SLC28A3: variants seen among roughly 807,000 people sequenced by gnomAD.
SLC28A3 encodes the protein concentrative Na(+)-nucleoside cotransporter 3.
In SLC28A3, 68 loss-of-function variants were observed where a neutral mutation model predicts 84.2. The ratio of observed to expected loss-of-function variants is 0.81; its 90% CI spans 0.66 to 0.99. The LOEUF (loss-of-function observed/expected upper bound fraction) is 0.99. SLC28A3 is among the 50% of genes least tolerant of loss of function. The pLI is 0.00. For synonymous variants in SLC28A3, 267 were observed against 303.6 expected (o/e 0.88, Z 1.25); for missense variants, 712 against 841.5 (o/e 0.85, Z 1.90).
upstream of SLC28A3, among the ~76,000 whole-genome samples, chr9:84,345,597 A>G (rs2118664904): frequency 6.6e-6 from 1 of 152,254 alleles, no homozygotes; most frequent in East Asian, 1.9e-4. Context: ...CATTTGGGGG[A>G]GCATATCATT....
chr9:84,307,751 G>A (rs1825852403), intron 3 of SLC28A3, among the ~76,000 whole-genome samples: 1 of 152,210 alleles, frequency 6.6e-6, no homozygotes, highest in Non-Finnish European at 1.5e-5. Context: ...ACTGTAGGTT[G>A]ACTCTATCAG....
intron 1 of SLC28A3, among the ~76,000 whole-genome samples, chr9:84,316,804 C>T (rs534917406): frequency 2.0e-5 from 3 of 152,168 alleles, no homozygotes; most frequent in African/African-American, 7.2e-5. Flanking sequence ...TGTTCGAGAC[C>T]AGCCTGGCCA....
chr9:84,332,642 C>A (rs1316208438), intron 1 of SLC28A3, among the ~76,000 whole-genome samples: 11 of 152,046 alleles, frequency 7.2e-5, no homozygotes, highest in Admixed American at 6.6e-4. Flanking sequence ...CATTGTAAGG[C>A]TTTTGGAGCC....
At chr9:84,339,053 C>T (rs1296231632) in intron 1 of SLC28A3, among the ~76,000 whole-genome samples, 3 of 152,134 alleles carry the variant, frequency 2.0e-5, no homozygotes, top group African/African-American at 4.8e-5. Flanking sequence ...GAACAAACCT[C>T]GATAAATTAA....
Position 84,334,092 on chromosome 9 carries a change from G to A in SLC28A3, c.60+6482C>T, listed in dbSNP as rs1245227346. Among the ~76,000 whole-genome samples, 6 of 152,142 alleles carry A rather than the reference G, an allele frequency of 3.9e-5. No individual in the cohort carries two copies. The South Asian group carries it at 6.2e-4, about 16-fold the overall frequency. On this transcript the variant is annotated intron_variant, in intron 1 of 17. Transcript: ENST00000376238. ...GGCCAAGGCGGGTGGATCACGTGAG[G>A]TCAGGAGTTTGAGACCAGCCTGGCC...
upstream of SLC28A3, among the ~76,000 whole-genome samples, chr9:84,341,326 G>A (rs1827153051): frequency 6.7e-6 from 1 of 149,296 alleles, no homozygotes; most frequent in African/African-American, 2.6e-5. Context: ...TCCTGTGGGT[G>A]GTGTTAAAGA....
intron 1 of SLC28A3, among the ~76,000 whole-genome samples, chr9:84,326,451 G>GT (rs1826551833): frequency 1.3e-5 from 2 of 152,158 alleles, no homozygotes. Context: ...CCTAACTGAA[G>GT]TAAGAGCATT....
the SLC28A3 span, among the ~76,000 whole-genome samples, chr9:84,347,104 A>G: frequency 6.6e-6 from 1 of 150,768 alleles, no homozygotes; most frequent in Admixed American, 6.7e-5. Flanking sequence ...TGAACCCAGG[A>G]GCACAGTTGC....
At chr9:84,328,262 C>A (rs1826644061) in intron 1 of SLC28A3, among the ~76,000 whole-genome samples, 1 of 149,750 alleles carries the variant, frequency 6.7e-6, no homozygotes, top group South Asian at 2.1e-4. Context: ...TGGATTATAC[C>A]CTTTAATTAA....
At chr9:84,321,750 A>G (rs1826388760) in intron 1 of SLC28A3, among the ~76,000 whole-genome samples, 1 of 149,148 alleles carries the variant, frequency 6.7e-6, no homozygotes, top group African/African-American at 2.5e-5. Context: ...AAAAAAAAAA[A>G]AAAAAGAAAC....
chr9:84,339,732 T>A (rs1353515621), intron 1 of SLC28A3, among the ~76,000 whole-genome samples: 1 of 152,236 alleles, frequency 6.6e-6, no homozygotes, highest in African/African-American at 2.4e-5. Flanking sequence ...TGGGCATCAC[T>A]GTGACCATGG....
intron 8 of SLC28A3, among the ~76,000 whole-genome samples, chr9:84,295,356 G>A (rs903346946): frequency 5.3e-5 from 8 of 152,078 alleles, no homozygotes; most frequent in Admixed American, 2.6e-4. Flanking sequence ...ATGCTGAGGC[G>A]GGCGGATCAC....
the SLC28A3 span, among the ~76,000 whole-genome samples, chr9:84,363,919 T>G: frequency 0.022 from 3,312 of 152,184 alleles, 123 homozygotes; most frequent in African/African-American, 0.075. Flanking sequence ...AGTTTGTCTT[T>G]GATTTTTAAA....
chr9:84,299,844 G>A, intron 5 of SLC28A3, 119 bp from the exon 6 acceptor site: 1 of 1,170,574 alleles, frequency 8.5e-7, no homozygotes, highest in Admixed American at 3.2e-5. Flanking sequence ...CCAGGCTGGA[G>A]TAGAATGGAG....
intron 12 of SLC28A3, among the ~76,000 whole-genome samples, chr9:84,287,210 A>C (rs1825026802): frequency 6.6e-6 from 1 of 152,172 alleles, no homozygotes; most frequent in African/African-American, 2.4e-5. Context: ...CTGCACACTG[A>C]GTAACTTTAC....
the SLC28A3 span, among the ~76,000 whole-genome samples, chr9:84,355,194 A>G: frequency 1.3e-4 from 20 of 151,946 alleles, no homozygotes; most frequent in African/African-American, 4.4e-4. Flanking sequence ...AACGCATAAT[A>G]AAGATGTCAG....
At position 84,305,301 on chromosome 9, in the gene SLC28A3, T is replaced by C. The variant is rs2118341752; in HGVS notation, c.287A>G (p.Lys96Arg). 6.2e-7 allele frequency: 1 copy of C among 1,613,540 alleles called. No homozygotes were observed. Among genetic ancestry groups the C allele is most frequent in the Admixed American group, 1.7e-5 (1 of 59,928 alleles). ...RYDTVCGFCR[K>R]HKTTLRHIIW... Reference sequence around the variant, plus strand: ...GATGTGCCGAAGAGTTGTTTTGTGTTTCCTACAGAAACCACATACTGTGTC... The same window carrying C: ...GATGTGCCGAAGAGTTGTTTTGTGTCTCCTACAGAAACCACATACTGTGTC... The change falls in exon 4 of 18, where the codon AAA (lysine) becomes AGA (arginine). Residue 96 changes from lysine (K) to arginine (R), a missense_variant. Lys to Arg is a conservative substitution (Grantham distance 26, BLOSUM62 2). Transcript: ENST00000376238.
chr9:84,301,349 C>CAAAAAAAAAAAA (rs59917986), intron 5 of SLC28A3, among the ~76,000 whole-genome samples: 1 of 44,716 alleles, frequency 2.2e-5, no homozygotes, highest in Non-Finnish European at 5.1e-5. Flanking sequence ...GACTCTGTCT[C>CAAAAAAAAAAAA]AAAAAAAAAA....
Position 84,286,131 on chromosome 9 carries a change from T to C in SLC28A3, c.1281-20A>G. ...GAATCACTTTATCAAGAAATAGCAA[T>C]TCCAGAATTACCAAGGAGTTGTCAG... On this transcript the variant is annotated intron_variant, in intron 12 of 17. Transcript: ENST00000376238. 6.2e-7 allele frequency: 1 copy of C among 1,610,852 alleles called. No homozygotes were observed. The highest frequency in any genetic ancestry group is 8.5e-7 in the Non-Finnish European group (1 of 1,177,998).
Sources: allele counts gnomAD v4.1 joint callset (sites outside exome capture counted in the v4.1 genomes callset), GRCh38; gene constraint gnomAD v4.1.1; transcripts MANE v1.5; gene names NCBI Gene and HGNC (gene_info 2026-07-23, HGNC 2026-07-21).